The following NGEF variants were observed in gnomAD, a reference collection of about 807,000 sequenced individuals.
The protein encoded by NGEF is ephexin-1.
In NGEF, 31 loss-of-function variants were observed where a neutral mutation model predicts 80.9. The ratio of observed to expected loss-of-function variants is 0.38; its 90% CI spans 0.29 to 0.52. NGEF has a LOEUF of 0.52. Among genes scored for constraint, NGEF ranks in the 20% least tolerant of loss-of-function variants. The pLI is 0.84. For synonymous variants in NGEF, 371 were observed against 370.2 expected, an observed-to-expected ratio of 1.00 and a Z score of -0.03; for missense variants, 709 against 926.2, an observed-to-expected ratio of 0.77 and a Z score of 3.04.
chr2:232,952,892 C>A lies in NGEF; in HGVS notation c.383+17322G>T, dbSNP rs184195647. Among the ~76,000 whole-genome samples the A allele has an allele frequency of 3.8e-4, 53 of 140,196 alleles. 1 individual carries two copies. In the East Asian group the frequency reaches 7.1e-3, roughly 19 times the overall value. 92.0% of individuals were successfully genotyped at this position (140,196 alleles called of 152,430 possible). On this transcript the variant is annotated intron_variant, in intron 3 of 14. Transcript: ENST00000264051. ...GCTGAGGCAGGAGAATCACTTGAACCCGGAGGCAGAGGTTGCAGTGAGCCG... is the reference window on the plus strand; with the variant it reads ...GCTGAGGCAGGAGAATCACTTGAACACGGAGGCAGAGGTTGCAGTGAGCCG...
At chr2:232,998,501 G>A (rs559170077) in intron 1 of NGEF, among the ~76,000 whole-genome samples, 9 of 152,312 alleles carry the variant, frequency 5.9e-5, no homozygotes, top group African/African-American at 2.2e-4. Flanking sequence ...CCAGGACAAG[G>A]CAAGCCTGGC....
chr2:232,893,483 C>T (rs749850065), intron 6 of NGEF, among the ~76,000 whole-genome samples: 1 of 152,150 alleles, frequency 6.6e-6, no homozygotes, highest in Non-Finnish European at 1.5e-5. Context: ...GACAGAAGTG[C>T]CGTGGCAGGG....
chr2:232,980,728 A>G (rs1027294283), intron 1 of NGEF, among the ~76,000 whole-genome samples: 6 of 152,014 alleles, frequency 3.9e-5, no homozygotes, highest in African/African-American at 1.2e-4. Context: ...CAAACTCCTG[A>G]CCTCAAGTGA....
At chr2:232,917,627 G>A (rs991753561) in intron 5 of NGEF, among the ~76,000 whole-genome samples, 1 of 150,656 alleles carries the variant, frequency 6.6e-6, no homozygotes, top group Non-Finnish European at 1.5e-5. Flanking sequence ...CCGCCACCAC[G>A]CCTGGCTAAT....
Position 232,906,724 on chromosome 2 carries a change from T to C in NGEF, c.829-11808A>G, listed in dbSNP as rs1459685162. On this transcript the variant is annotated intron_variant, in intron 5 of 14. Coordinates refer to ENST00000264051, the MANE Select transcript of NGEF (RefSeq NM_019850.3). ...GAACGGGCCATGATGACAATGGCGG[T>C]TTTGTGGAATAGAAAAGGGGGCAAG... Among the ~76,000 whole-genome samples, 2 of 148,400 alleles carry C rather than the reference T, an allele frequency of 1.3e-5. 1 individual carries two copies. Among genetic ancestry groups the C allele is most frequent in the Non-Finnish European group, 3.0e-5 (2 of 67,000 alleles).
intron 1 of NGEF, among the ~76,000 whole-genome samples, chr2:232,993,116 T>A (rs747192304): frequency 0.32 from 25,240 of 78,394 alleles, 3,590 homozygotes; most frequent in Non-Finnish European, 0.39. Flanking sequence ...AATATATATA[T>A]ATAAATAAAT....
chr2:232,979,092 G>T (rs1694355632), intron 1 of NGEF, among the ~76,000 whole-genome samples: 2 of 152,108 alleles, frequency 1.3e-5, no homozygotes, highest in East Asian at 3.9e-4. Context: ...GGGGACCTGG[G>T]TTCGAATCTC....
intron 1 of NGEF, among the ~76,000 whole-genome samples, chr2:233,004,772 C>T (rs929695920): frequency 1.3e-5 from 2 of 152,048 alleles, no homozygotes; most frequent in African/African-American, 4.8e-5. Flanking sequence ...TCAGGCTCGG[C>T]TTTGCCTCAA....
intron 1 of NGEF, among the ~76,000 whole-genome samples, chr2:232,993,155 A>ATTTATT (rs1694692860): frequency 6.2e-5 from 2 of 32,374 alleles, no homozygotes; most frequent in African/African-American, 2.7e-4. Flanking sequence ...ATATGGGCAA[A>ATTTATT]TATATATATA....
chr2:232,929,237 TTCGTTGGGGGGGA>T (rs746049181), intron 3 of NGEF, among the ~76,000 whole-genome samples: 85 of 152,296 alleles, frequency 5.6e-4, no homozygotes, highest in Non-Finnish European at 1.1e-3. Flanking sequence ...TAGCAAATTC[TTCGTTGGGGGGGA>T]TGCAAACATT....
intron 1 of NGEF, among the ~76,000 whole-genome samples, chr2:232,991,735 T>G (rs1465165592): frequency 6.6e-6 from 1 of 152,174 alleles, no homozygotes; most frequent in African/African-American, 2.4e-5. Context: ...CAGAACTTGA[T>G]AAGCTGATCA....
rs1244058309 is a variant in NGEF at position 232,988,151 on chromosome 2, C to A, written c.-74-13187G>T. On this transcript the variant is annotated intron_variant, in intron 1 of 14. Transcript: ENST00000264051. ...GTGCGCAGCTGGTGGAGTAGAGGTG[C>A]CTTAGCTGGCTGATCCCTGCTCCCT... Among the ~76,000 whole-genome samples the A allele has an allele frequency of 2.6e-5, 4 of 150,976 alleles. No individual in the cohort carries two copies. In the East Asian group the frequency reaches 6.0e-4, roughly 23 times the overall value.
chr2:232,928,839 G>A (rs1693155955), intron 3 of NGEF, among the ~76,000 whole-genome samples: 1 of 152,170 alleles, frequency 6.6e-6, no homozygotes, highest in South Asian at 2.1e-4. Context: ...CGGTGACATC[G>A]ACTCCTGGAC....
At chr2:232,899,943 T>TAC (rs1195929770) in intron 5 of NGEF, among the ~76,000 whole-genome samples, 1 of 79,202 alleles carries the variant, frequency 1.3e-5, no homozygotes, top group Non-Finnish European at 2.4e-5. Context: ...CACATTCACT[T>TAC]ACACACATGC....
At position 232,881,156 on chromosome 2, in the gene NGEF, C is replaced by T. The variant is rs1242161079; in HGVS notation, c.1932G>A (p.Lys644=). Residue 644 remains lysine (K), a synonymous_variant, in exon 14 of 15, where the codon AAG becomes AAA. Coordinates refer to ENST00000264051, the MANE Select transcript of NGEF (RefSeq NM_019850.3). ...ELADILNILD[K]TDDGWIFGER... ...GTCCCTGGGCCTCACCGTCGTCAGT[C>T]TTGTCCAGGATGTTGAGGATGTCGG... 3 of 1,612,398 alleles carry T rather than the reference C, an allele frequency of 1.9e-6. No homozygotes were observed. The highest frequency in any genetic ancestry group is 4.5e-5 in the East Asian group (2 of 44,884).
At chr2:232,929,027 C>T (rs369106953) in intron 3 of NGEF, among the ~76,000 whole-genome samples, 75 of 152,344 alleles carry the variant, frequency 4.9e-4, no homozygotes, top group African/African-American at 1.7e-3. Context: ...CCCGCCTACC[C>T]TCGCGAAGGC....
At chr2:232,968,544 A>C (rs1324916309) in intron 3 of NGEF, among the ~76,000 whole-genome samples, 1 of 152,030 alleles carries the variant, frequency 6.6e-6, no homozygotes, top group East Asian at 1.9e-4. Flanking sequence ...TCACTGGACT[A>C]CAGGCATGCA....
At chr2:232,938,681 A>C (rs778351) in intron 3 of NGEF, among the ~76,000 whole-genome samples, 98,088 of 145,442 alleles carry the variant, frequency 0.67, 33,234 homozygotes, top group Admixed American at 0.71. Flanking sequence ...TCACTTGGAA[A>C]GATCCTTGAG....
At chr2:232,983,242 G>A (rs1451586499) in intron 1 of NGEF, among the ~76,000 whole-genome samples, 4 of 150,618 alleles carry the variant, frequency 2.7e-5, no homozygotes, top group African/African-American at 5.0e-5. Context: ...GAGCAAGGCC[G>A]GGAAGCCTAG....
Sources: allele counts gnomAD v4.1 joint callset (sites outside exome capture counted in the v4.1 genomes callset), GRCh38; gene constraint gnomAD v4.1.1; transcripts MANE v1.5; gene names NCBI Gene and HGNC (gene_info 2026-07-23, HGNC 2026-07-21).